EDRF1: variants seen among roughly 807,000 people sequenced by gnomAD.
EDRF1 encodes the protein erythroid differentiation-related factor 1.
In EDRF1, 69 loss-of-function variants were observed where a neutral mutation model predicts 148.7. The observed-to-expected ratio is 0.46, with a 90% CI of 0.38 to 0.57. The LOEUF is 0.57. EDRF1 is among the 20% of genes least tolerant of loss of function. EDRF1 has a pLI of 0.00. For synonymous variants in EDRF1, 515 were observed against 532.8 expected (o/e 0.97, Z 0.46); for missense variants, 1,118 against 1,478.7 (o/e 0.76, Z 4.00).
Position 125,749,414 on chromosome 10 carries a change from T to C in EDRF1, c.3126T>C (p.Val1042=). The stretch of plus-strand genomic sequence containing the variant: ...TGCTTGTTTTGGTTTGGTTCTAGGT[T>C]GGTGATGAACACCTTAGGAAACAAC... The part of the protein sequence containing the change: ...SMYHSCLRNQ[V]GDEHLRKQHR... The change falls in exon 22 of 25, where the codon GTT becomes GTC. Residue 1042 remains valine, a splice_region_variant and synonymous_variant. Transcript: ENST00000356792. 6.2e-7 allele frequency: 1 copy of C among 1,614,216 alleles called. No individual in the cohort carries two copies.
chr10:125,736,630 T>G (rs1848750717), intron 13 of EDRF1, among the ~76,000 whole-genome samples: 1 of 152,138 alleles, frequency 6.6e-6, no homozygotes, highest in South Asian at 2.1e-4. Context: ...AGGGGCTATG[T>G]CTGTCACCTT....
chr10:125,723,605 A>G (rs972501555), intron 3 of EDRF1, among the ~76,000 whole-genome samples: 7 of 152,220 alleles, frequency 4.6e-5, no homozygotes, highest in Non-Finnish European at 8.8e-5. Flanking sequence ...CACTAACATA[A>G]TGTGACTCAT....
intron 19 of EDRF1, chr10:125,747,211 T>C (rs1364375394): frequency 3.6e-6 from 1 of 276,272 alleles, no homozygotes. Flanking sequence ...ATATAAACTG[T>C]AATTTTCATT....
rs1342794296 is a variant in EDRF1, at chr10:125,748,148, C to G, written c.3123+136C>G. 8.8e-6 allele frequency: 9 copies of G among 1,028,156 alleles called. No individual in the cohort carries two copies. The African/African-American group carries it at 1.4e-4, about 16-fold the overall frequency. The allele number at this position is 1,028,156 out of a possible 1,614,324, so 63.7% of individuals were successfully genotyped here. On this transcript the variant is annotated intron_variant, in intron 21 of 24. Coordinates refer to ENST00000356792, the MANE Select transcript of EDRF1 (RefSeq NM_001202438.2). ...AACTGCTGTCCTAAATTTTCTGCTGCGTCTGTGCCTTTTTTTGTGCTGTGC... is the reference window on the plus strand; with the variant it reads ...AACTGCTGTCCTAAATTTTCTGCTGGGTCTGTGCCTTTTTTTGTGCTGTGC...
intron 11 of EDRF1, 28 bp from the exon 12 acceptor site, chr10:125,734,044 G>A: frequency 6.4e-7 from 1 of 1,561,258 alleles, no homozygotes; most frequent in East Asian, 2.2e-5. Context: ...GAAATGGGCA[G>A]TAAAGTTGAT....
chr10:125,721,148 T>C, intron 1 of EDRF1, 56 bp from the exon 2 acceptor site: 1 of 1,546,464 alleles, frequency 6.5e-7, no homozygotes, highest in Non-Finnish European at 8.9e-7. Context: ...TTTATAAAGG[T>C]GAGATTTTTC....
rs764455574 is a variant in EDRF1, at chr10:125,729,425, C to T, written c.962C>T (p.Ser321Phe). 2.1e-5 allele frequency: 34 copies of T among 1,614,114 alleles called. No homozygotes were observed. Among genetic ancestry groups the T allele is most frequent in the Non-Finnish European group, 2.9e-5 (34 of 1,180,012 alleles). Residue 321 changes from serine (S) to phenylalanine (F), a missense_variant, in exon 8 of 25, where the codon TCC (serine) becomes TTC (phenylalanine). Physicochemically the swap from Ser to Phe is radical, Grantham distance 155. Around this residue, in one of 3 missense-constraint regions of EDRF1, gnomAD observed 954 missense variants for 1,241.4 expected, o/e 0.77. Coordinates refer to ENST00000356792, the MANE Select transcript of EDRF1 (RefSeq NM_001202438.2). ...TFEDIHMLVG[S>F]NMPIFGGGRY... ...GAAGATATCCATATGTTGGTCGGCTCCAACATGCCCATATTTGGAGGAGGC... is the reference window on the plus strand; with the variant it reads ...GAAGATATCCATATGTTGGTCGGCTTCAACATGCCCATATTTGGAGGAGGC...
At position 125,763,203 on chromosome 10, in the gene EDRF1, G is replaced by C; in HGVS notation, c.3546-98G>C. ...AGGAATGCCTGCTGCTCTGTGAAGAGTGACTGTTGGGCTGTCACTGTCCGG... is the reference window on the plus strand; with the variant it reads ...AGGAATGCCTGCTGCTCTGTGAAGACTGACTGTTGGGCTGTCACTGTCCGG... On this transcript the variant is annotated intron_variant, in intron 24 of 24. Transcript: ENST00000356792. The surrounding 1 kb of genome is among the most constrained non-coding windows in gnomAD (Gnocchi z 4.3). 1 of 1,207,430 alleles carries C rather than the reference G, an allele frequency of 8.3e-7. No homozygotes were observed. The highest frequency in any genetic ancestry group is 1.5e-5 in the African/African-American group (1 of 67,068). 74.8% of individuals were successfully genotyped at this position (1,207,430 alleles called of 1,614,324 possible).
At chr10:125,730,439 A>G (rs1589828098) in intron 9 of EDRF1, 40 bp downstream of exon 9, 3 of 1,520,744 alleles carry the variant, frequency 2.0e-6, no homozygotes, top group Non-Finnish European at 2.7e-6. Flanking sequence ...TCAAATGCAA[A>G]TTGGTACAGA....
intron 1 of EDRF1, 103 bp downstream of exon 1, chr10:125,720,018 C>T: frequency 9.5e-7 from 1 of 1,055,330 alleles, no homozygotes; most frequent in Non-Finnish European, 1.4e-6. Context: ...GAGGCTTCTC[C>T]ATGTTTCCCT....
At chr10:125,728,392 A>T (rs1279570022) in intron 6 of EDRF1, among the ~76,000 whole-genome samples, 1 of 152,190 alleles carries the variant, frequency 6.6e-6, no homozygotes, top group African/African-American at 2.4e-5. Flanking sequence ...GTCATCTTTC[A>T]AACCTGACTC....
At chr10:125,741,244 G>GAAC in intron 17 of EDRF1, 43 bp downstream of exon 17, 3 of 1,542,694 alleles carry the variant, frequency 1.9e-6, no homozygotes, top group Non-Finnish European at 2.7e-6. Flanking sequence ...GTGGGACTGT[G>GAAC]CAGTCTAGCT....
chr10:125,759,893 G>C (rs752637197), intron 24 of EDRF1, among the ~76,000 whole-genome samples: 2 of 152,122 alleles, frequency 1.3e-5, no homozygotes, highest in Admixed American at 1.3e-4. Flanking sequence ...TGTATTTTTA[G>C]TAGAGACGGG....
In EDRF1 at chr10:125,747,669, C is replaced by T. The variant is rs1589859420; in HGVS notation, c.2948C>T (p.Pro983Leu). The change falls in exon 20 of 25, where the codon CCG becomes CTG. Residue 983 changes from proline to leucine, a missense_variant. By Grantham distance (98) the Pro-to-Leu change is moderately conservative (BLOSUM62 -3). Coordinates refer to ENST00000356792, the MANE Select transcript of EDRF1 (RefSeq NM_001202438.2). ...GCAACTCTACAGCAAGATTATGCTCCGTTATCTAGAAAAGCTCAGGAGCAG... is the reference window on the plus strand; with the variant it reads ...GCAACTCTACAGCAAGATTATGCTCTGTTATCTAGAAAAGCTCAGGAGCAG... The part of the protein sequence containing the change: ...TMATLQQDYA[P>L]LSRKAQEQIE... 5 of 1,614,144 alleles carry T rather than the reference C, an allele frequency of 3.1e-6. No individual in the cohort carries two copies. The highest frequency in any genetic ancestry group is 2.2e-5 in the East Asian group (1 of 44,884).
In EDRF1 at chr10:125,747,961, A is replaced by G. The variant is rs1849449452; in HGVS notation, c.3072A>G (p.Ala1024=). The G allele has an allele frequency of 1.9e-6, 3 of 1,614,116 alleles. No individual in the cohort carries two copies. Among genetic ancestry groups the G allele is most frequent in the African/African-American group, 1.3e-5 (1 of 74,936 alleles). ...AGCCCCTTTGTCAGTATCGAGCTGCAACCATCCATCACAGGCTGGCCTCCA... is the reference window on the plus strand; with the variant it reads ...AGCCCCTTTGTCAGTATCGAGCTGCGACCATCCATCACAGGCTGGCCTCCA... ...ARQPLCQYRA[A]TIHHRLASMY... The change falls in exon 21 of 25, where the codon GCA becomes GCG. Residue 1024 remains alanine (A), a synonymous_variant. Transcript: ENST00000356792.
At chr10:125,749,874 C>T (rs1849553258) in intron 22 of EDRF1, 2 of 365,982 alleles carry the variant, frequency 5.5e-6, no homozygotes, top group Non-Finnish European at 1.1e-5. Context: ...GGCACAGTGG[C>T]TCACGCCTGT....
intron 6 of EDRF1, among the ~76,000 whole-genome samples, chr10:125,726,841 G>A (rs1483148713): frequency 1.3e-5 from 2 of 152,142 alleles, no homozygotes; most frequent in African/African-American, 2.4e-5. Context: ...ATTCAGAAGG[G>A]AGAAAAGACT....
At chr10:125,738,098 A>AT (rs968534057) in intron 14 of EDRF1, 109 bp downstream of exon 14, 1,427 of 1,344,296 alleles carry the variant, frequency 1.1e-3, no homozygotes, top group Non-Finnish European at 1.3e-3. Context: ...TTCTGCTGCG[A>AT]TTTTTTTTTC....
At chr10:125,737,784 A>C in intron 13 of EDRF1, 134 bp from the exon 14 acceptor site, 1 of 837,112 alleles carries the variant, frequency 1.2e-6, no homozygotes, top group Admixed American at 2.0e-5. Flanking sequence ...ACTTAAAGCA[A>C]CATATATGTT....
Sources: allele counts gnomAD v4.1 joint callset (sites outside exome capture counted in the v4.1 genomes callset), GRCh38; gene constraint gnomAD v4.1.1; regional missense constraint gnomAD v4.1.1; non-coding constraint Gnocchi (gnomAD v3.1); transcripts MANE v1.5; gene names NCBI Gene and HGNC (gene_info 2026-07-23, HGNC 2026-07-21).